WDR49: variants seen among roughly 807,000 people sequenced by gnomAD.
The protein encoded by WDR49 is cilia- and flagella-associated protein 337.
A neutral mutation model predicts 119.5 loss-of-function variants in WDR49; 107 were observed. The ratio of observed to expected loss-of-function variants is 0.90; its 90% CI spans 0.77 to 1.05. The LOEUF (loss-of-function observed/expected upper bound fraction) is 1.05. Ranked by LOEUF, WDR49 falls within the 50% of genes least tolerant of loss-of-function variation. The pLI, the probability that WDR49 is intolerant of heterozygous loss-of-function variation, is 0.00. For synonymous variants in WDR49, 425 were observed against 418.8 expected, an observed-to-expected ratio of 1.01 and a Z score of -0.18; for missense variants, 1,240 against 1,220.5, an observed-to-expected ratio of 1.02 and a Z score of -0.24.
chr3:167,531,759 A>G (rs1752859624), intron 12 of WDR49, among the ~76,000 whole-genome samples: 1 of 152,148 alleles, frequency 6.6e-6, no homozygotes, highest in African/African-American at 2.4e-5. Flanking sequence ...GCATACTTCA[A>G]TTATCTAATG....
Position 167,646,120 on chromosome 3 carries a change from G to A in WDR49, c.165+7141C>T, listed in dbSNP as rs150145771. On this transcript the variant is annotated intron_variant, in intron 2 of 18. Coordinates refer to ENST00000682715, the MANE Select transcript of WDR49 (RefSeq NM_001366157.1). ...TGATCAGCATGACTGAAACTCTTTG[G>A]GTAATGGCCCAGGTCAGATAATTTT... Among the ~76,000 whole-genome samples, 500 of 152,160 alleles carry A rather than the reference G, an allele frequency of 3.3e-3. 2 individuals are homozygous for A. Among genetic ancestry groups the A allele is most frequent in the African/African-American group, 0.012 (484 of 41,498 alleles).
chr3:167,637,253 C>G (rs1468261764), intron 2 of WDR49, among the ~76,000 whole-genome samples: 3 of 151,784 alleles, frequency 2.0e-5, no homozygotes, highest in East Asian at 3.9e-4. Flanking sequence ...ATAGGGTGTT[C>G]TTTCCCCACT....
intron 18 of WDR49, among the ~76,000 whole-genome samples, chr3:167,495,369 T>A (rs913578913): frequency 6.6e-6 from 1 of 151,894 alleles, no homozygotes; most frequent in Non-Finnish European, 1.5e-5. Flanking sequence ...TGTGTATATA[T>A]ATAATTTCAG....
rs1577205122 is a variant in WDR49 at position 167,507,508 on chromosome 3, C to T, written c.2775-2092G>A. Among the ~76,000 whole-genome samples the T allele has an allele frequency of 1.3e-5, 2 of 151,630 alleles. 1 individual carries two copies. The highest frequency in any genetic ancestry group is 4.2e-4 in the South Asian group (2 of 4,800). On this transcript the variant is annotated intron_variant, in intron 16 of 18. Transcript: ENST00000682715. The stretch of plus-strand genomic sequence containing the variant: ...TGCAGTTATTGGATTAAGAATACAC[C>T]TTTTTCTAGAAAAGAATTATTCATG...
At chr3:167,606,899 T>C (rs759147143) in intron 5 of WDR49, among the ~76,000 whole-genome samples, 1 of 152,140 alleles carries the variant, frequency 6.6e-6, no homozygotes, top group Non-Finnish European at 1.5e-5. Context: ...TAGATTTACA[T>C]GACACAGGAA....
At chr3:167,576,172 T>A (rs1577250952) in intron 7 of WDR49, 21 bp from the exon 8 acceptor site, 1 of 1,598,778 alleles carries the variant, frequency 6.3e-7, no homozygotes, top group African/African-American at 1.3e-5. Flanking sequence ...AGTGATAAAA[T>A]CATTTCAATA....
chr3:167,601,733 T>C (rs923523428), intron 7 of WDR49, among the ~76,000 whole-genome samples: 18 of 152,300 alleles, frequency 1.2e-4, no homozygotes, highest in Admixed American at 2.0e-4. Context: ...TCTAATTAAC[T>C]GAGTCTCTTC....
Position 167,531,284 on chromosome 3 carries a change from G to A in WDR49, c.2054-5C>T. 1 of 1,610,586 alleles carries A rather than the reference G, an allele frequency of 6.2e-7. No individual in the cohort carries two copies. Among genetic ancestry groups the A allele is most frequent in the Non-Finnish European group, 8.5e-7 (1 of 1,179,264 alleles). The stretch of plus-strand genomic sequence containing the variant: ...GAAGTTTTTGAGGTTTTGTATCTGT[G>A]AGGGAGACAAAGCCAAGTATATTAA... On this transcript the variant is annotated splice_polypyrimidine_tract_variant and splice_region_variant and intron_variant, in intron 12 of 18. Coordinates refer to ENST00000682715, the MANE Select transcript of WDR49 (RefSeq NM_001366157.1).
chr3:167,587,466 G>A (rs1013387328), intron 7 of WDR49, among the ~76,000 whole-genome samples: 1 of 151,992 alleles, frequency 6.6e-6, no homozygotes, highest in African/African-American at 2.4e-5. Context: ...AATACAAGCT[G>A]AAAAGACACT....
intron 10 of WDR49, among the ~76,000 whole-genome samples, chr3:167,546,021 A>AT (rs1399444899): frequency 2.6e-5 from 4 of 151,732 alleles, no homozygotes; most frequent in African/African-American, 2.4e-5. Flanking sequence ...TGTATTTTTG[A>AT]TTTTCTCTTT....
chr3:167,576,115 T>G lies in WDR49; in HGVS notation c.1312A>C (p.Ile438Leu), dbSNP rs1360818848. The part of the protein sequence containing the change: ...RLWDIQHQLS[I>L]QRIACSFPKS... ...GGGAAAGAACAAGCTATCCTCTGGATGGACAGCTGGTGTTGAATATCCCAG... is the reference window on the plus strand; with the variant it reads ...GGGAAAGAACAAGCTATCCTCTGGAGGGACAGCTGGTGTTGAATATCCCAG... Residue 438 changes from isoleucine to leucine, a missense_variant, in exon 8 of 19, where the codon ATC becomes CTC. Ile to Leu is a conservative substitution (Grantham distance 5). Coordinates refer to ENST00000682715, the MANE Select transcript of WDR49 (RefSeq NM_001366157.1). 6.2e-7 allele frequency: 1 copy of G among 1,613,998 alleles called. No individual in the cohort carries two copies. The highest frequency in any genetic ancestry group is 1.3e-5 in the African/African-American group (1 of 74,940).
Position 167,544,885 on chromosome 3 carries a change from T to C in WDR49, c.1824-7885A>G, listed in dbSNP as rs868856655. Among the ~76,000 whole-genome samples, 4 of 151,972 alleles carry C rather than the reference T, an allele frequency of 2.6e-5. No homozygotes were observed. The Middle Eastern group carries it at 0.01, about 388-fold the overall frequency. ...AGCAGCTTCTGCACAGCAAAAGACA[T>C]TATCAGCAGAGTAAACAGACAATCC... On this transcript the variant is annotated intron_variant, in intron 10 of 18. Transcript: ENST00000682715.
intron 10 of WDR49, among the ~76,000 whole-genome samples, chr3:167,545,491 T>C (rs909110817): frequency 1.2e-4 from 15 of 128,792 alleles, no homozygotes; most frequent in African/African-American, 4.0e-4. Flanking sequence ...GTACCATATA[T>C]ATATTATATA....
chr3:167,544,635 A>T (rs1712054597), intron 10 of WDR49, among the ~76,000 whole-genome samples: 1 of 152,006 alleles, frequency 6.6e-6, no homozygotes, highest in South Asian at 2.1e-4. Context: ...GATAATTGGC[A>T]AGCCACATGT....
intron 16 of WDR49, among the ~76,000 whole-genome samples, chr3:167,510,371 A>T (rs1751924277): frequency 6.6e-6 from 1 of 152,228 alleles, no homozygotes; most frequent in African/African-American, 2.4e-5. Context: ...GAGTCCAAAA[A>T]ACAAATATTC....
chr3:167,598,454 C>T (rs148884834), intron 7 of WDR49, among the ~76,000 whole-genome samples: 146 of 152,196 alleles, frequency 9.6e-4, no homozygotes, highest in East Asian at 5.4e-3. Flanking sequence ...GGAGGTGATT[C>T]GATCATTGGG....
At chr3:167,546,137 C>A (rs764909987) in intron 10 of WDR49, among the ~76,000 whole-genome samples, 11 of 151,710 alleles carry the variant, frequency 7.3e-5, no homozygotes, top group Admixed American at 4.6e-4. Flanking sequence ...TATCTCTCAG[C>A]CAAAATTCAA....
At chr3:167,481,830 G>A (rs908602964) in intron 18 of WDR49, among the ~76,000 whole-genome samples, 8 of 152,100 alleles carry the variant, frequency 5.3e-5, no homozygotes, top group South Asian at 2.1e-4. Context: ...AGACTGGCCC[G>A]CATGATTCAA....
intron 8 of WDR49, chr3:167,566,785 GA>G: frequency 3.3e-6 from 2 of 598,626 alleles, no homozygotes; most frequent in South Asian, 2.2e-5. Context: ...CTAGAGAAAA[GA>G]AAATGTTATT....
Sources: gnomAD v4.1 joint callset for allele counts (sites outside exome capture counted in the v4.1 genomes callset) on GRCh38, gnomAD v4.1.1 for gene constraint, MANE v1.5 for transcripts, NCBI Gene and HGNC (gene_info 2026-07-23, HGNC 2026-07-21) for gene names.